HECW1: variants seen among roughly 807,000 people sequenced by gnomAD.
HECW1 encodes HECT, C2 and WW domain containing E3 ubiquitin protein ligase 1.
In HECW1, 61 loss-of-function variants were observed where a neutral mutation model predicts 182.3. The ratio of observed to expected loss-of-function variants is 0.33; its 90% CI spans 0.27 to 0.41. The LOEUF is 0.41. HECW1 is among the 10% of genes least tolerant of loss of function. HECW1 has a pLI of 1.00. For synonymous variants in HECW1, 859 were observed against 832.6 expected, an observed-to-expected ratio of 1.03 and a Z score of -0.55; for missense variants, 1,739 against 2,108.9, an observed-to-expected ratio of 0.82 and a Z score of 3.44.
intron 3 of HECW1, among the ~76,000 whole-genome samples, chr7:43,293,302 G>T (rs2152757114): frequency 6.6e-6 from 1 of 152,098 alleles, no homozygotes; most frequent in South Asian, 2.1e-4. Flanking sequence ...CCGAGCAGCG[G>T]TTCAAGGGCC....
chr7:43,493,224 C>T, intron 19 of HECW1, 44 bp downstream of exon 19: 2 of 1,331,816 alleles, frequency 1.5e-6, no homozygotes, highest in Non-Finnish European at 2.1e-6. Context: ...GTCTTTCCAG[C>T]CATTTTTCCC....
Position 43,535,006 on chromosome 7 carries a change from G to A in HECW1, c.4020-6157G>A, listed in dbSNP as rs77576248. ...TCTTAGCAGCTGTCCTATACAGTAG[G>A]TGCCAATATGATTCCCATTTTGCAG... is the stretch of plus-strand genomic sequence containing the variant. On this transcript the variant is annotated intron_variant, in intron 24 of 29. Coordinates refer to ENST00000395891, the MANE Select transcript of HECW1 (RefSeq NM_015052.5). Among the ~76,000 whole-genome samples, 485 of 152,270 alleles carry A rather than the reference G, an allele frequency of 3.2e-3. 1 individual carries two copies. Among genetic ancestry groups the A allele is most frequent in the African/African-American group, 0.011 (453 of 41,550 alleles).
intron 3 of HECW1, among the ~76,000 whole-genome samples, chr7:43,282,951 C>A (rs534298927): frequency 2.0e-5 from 3 of 152,160 alleles, no homozygotes; most frequent in African/African-American, 7.2e-5. Flanking sequence ...AACCCCATCC[C>A]TACTAAAAAT....
intron 2 of HECW1, among the ~76,000 whole-genome samples, chr7:43,188,299 C>T (rs1442155338): frequency 2.0e-5 from 3 of 152,160 alleles, no homozygotes; most frequent in Non-Finnish European, 2.9e-5. Context: ...TGAAGGAAAG[C>T]CACATTCTGA....
At chr7:43,466,987 G>A (rs1039653393) in intron 15 of HECW1, among the ~76,000 whole-genome samples, 2 of 152,072 alleles carry the variant, frequency 1.3e-5, no homozygotes, top group East Asian at 1.9e-4. Flanking sequence ...TGGTTTTTTC[G>A]AATATCGTGC....
At chr7:43,561,008 T>C (rs951681530) in intron 29 of HECW1, among the ~76,000 whole-genome samples, 3 of 152,208 alleles carry the variant, frequency 2.0e-5, no homozygotes, top group Admixed American at 2.0e-4. Context: ...AACAAAGAAC[T>C]TCTGGCAGGG....
intron 3 of HECW1, among the ~76,000 whole-genome samples, chr7:43,281,713 CTTTTTTTTTTT>C (rs55860415): frequency 3.9e-5 from 3 of 77,348 alleles, no homozygotes; most frequent in African/African-American, 5.0e-5. Flanking sequence ...TCTTTGCTTT[CTTTTTTTTTTT>C]TTTTTTTTTT....
At chr7:43,311,734 C>T in intron 3 of HECW1, 29 bp from the exon 4 acceptor site, 2 of 1,608,708 alleles carry the variant, frequency 1.2e-6, no homozygotes, top group East Asian at 2.2e-5. Flanking sequence ...CGTGCCCTGA[C>T]CCTGCTCACT....
chr7:43,559,024 G>A (rs1343893999), intron 29 of HECW1, among the ~76,000 whole-genome samples: 2 of 152,186 alleles, frequency 1.3e-5, no homozygotes, highest in African/African-American at 4.8e-5. Flanking sequence ...CTGAACAATT[G>A]GCAGCAAAGA....
At chr7:43,525,950 T>C (rs1189860567) in intron 24 of HECW1, among the ~76,000 whole-genome samples, 1 of 152,190 alleles carries the variant, frequency 6.6e-6, no homozygotes, top group South Asian at 2.1e-4. Context: ...CTCTTTATAG[T>C]CTAATTTTAA....
Position 43,243,818 on chromosome 7 carries a change from G to A in HECW1, c.-31-57G>A, listed in dbSNP as rs897382628. ...CAATGTTGTTTGTGTGGGTAATGTT[G>A]CTGATTTTGTTTGCTTGGGATACAC... On this transcript the variant is annotated intron_variant, in intron 2 of 29. Coordinates refer to ENST00000395891, the MANE Select transcript of HECW1 (RefSeq NM_015052.5). This position sits in a 1 kb window ranked among gnomAD's most constrained non-coding sequence, Gnocchi z 4.0. The A allele has an allele frequency of 7.7e-7, 1 of 1,300,776 alleles. No individual in the cohort carries two copies. Among genetic ancestry groups the A allele is most frequent in the African/African-American group, 1.5e-5 (1 of 68,812 alleles). 80.6% of individuals were successfully genotyped at this position (1,300,776 alleles called of 1,614,324 possible). A position where few individuals can be genotyped will look rare whatever the true frequency, so the allele number is the denominator to read the frequency against.
intron 17 of HECW1, among the ~76,000 whole-genome samples, chr7:43,488,434 G>GGAAGAA (rs1554440502): frequency 1.1e-5 from 1 of 93,082 alleles, no homozygotes; most frequent in Non-Finnish European, 2.1e-5. Flanking sequence ...AAGAAAGAAA[G>GGAAGAA]AGAAAGAAAG....
intron 15 of HECW1, 109 bp downstream of exon 15, chr7:43,466,677 G>A: frequency 7.8e-7 from 1 of 1,289,248 alleles, no homozygotes; most frequent in Non-Finnish European, 1.0e-6. Context: ...ACATAAGCAA[G>A]AAAAAACAAA....
At chr7:43,185,950 A>G (rs1583869768) in intron 2 of HECW1, among the ~76,000 whole-genome samples, 2 of 152,312 alleles carry the variant, frequency 1.3e-5, no homozygotes, top group Middle Eastern at 6.8e-3. Context: ...GGCTGGCTCC[A>G]GCAAGCTGGG....
chr7:43,431,617 T>C (rs1001695537), intron 8 of HECW1, among the ~76,000 whole-genome samples: 2 of 152,222 alleles, frequency 1.3e-5, no homozygotes, highest in Admixed American at 1.3e-4. Context: ...TCTGAGTGTG[T>C]CATTTGCATG....
chr7:43,471,896 A>AT (rs1214271211), intron 16 of HECW1, among the ~76,000 whole-genome samples: 2 of 152,134 alleles, frequency 1.3e-5, no homozygotes, highest in African/African-American at 2.4e-5. Flanking sequence ...CAGAAAGTAT[A>AT]TTTTTTTCCC....
At chr7:43,132,724 T>C (rs1787093331) in intron 2 of HECW1, among the ~76,000 whole-genome samples, 1 of 152,148 alleles carries the variant, frequency 6.6e-6, no homozygotes, top group African/African-American at 2.4e-5. Context: ...GCTTACACTT[T>C]TCTTTAATTC....
chr7:43,491,463 A>C (rs891936030), intron 17 of HECW1, among the ~76,000 whole-genome samples: 3 of 152,234 alleles, frequency 2.0e-5, no homozygotes, highest in Non-Finnish European at 2.9e-5. Context: ...ACTAAAGTTC[A>C]ATGCTACCTT....
intron 2 of HECW1, among the ~76,000 whole-genome samples, chr7:43,173,846 A>ATT (rs34302457): frequency 4.8e-5 from 7 of 145,468 alleles, no homozygotes; most frequent in African/African-American, 7.6e-5. Context: ...GTTTTAAATG[A>ATT]TTTTTTTTTT....
Sources: gnomAD v4.1 joint callset for allele counts (sites outside exome capture counted in the v4.1 genomes callset) on GRCh38, gnomAD v4.1.1 for gene constraint, Gnocchi (gnomAD v3.1) non-coding constraint, MANE v1.5 for transcripts, NCBI Gene and HGNC (gene_info 2026-07-23, HGNC 2026-07-21) for gene names.